Variants in CIMAP3 observed in about 807,000 individuals in gnomAD.
CIMAP3 encodes the protein ciliary microtubule associated protein 3.
the CIMAP3 span, among the ~76,000 whole-genome samples, chr1:111,341,297 A>G: frequency 6.6e-6 from 1 of 151,928 alleles, no homozygotes; most frequent in Admixed American, 6.6e-5. Context: ...AGCATGGCAC[A>G]TGTATACATA....
the CIMAP3 span, chr1:111,348,692 G>A: frequency 1.3e-6 from 2 of 1,517,156 alleles, no homozygotes; most frequent in South Asian, 1.3e-5. Context: ...AAAGCAATAG[G>A]AGGAAAAGAA....
At chr1:111,346,860 C>T in the CIMAP3 span, 1 of 1,602,912 alleles carries the variant, frequency 6.2e-7, no homozygotes, top group Non-Finnish European at 8.5e-7. Flanking sequence ...AACGCGCTCA[C>T]GTAGACCCAG....
chr1:111,331,957 C>CAGCT, the CIMAP3 span, among the ~76,000 whole-genome samples: 2 of 152,146 alleles, frequency 1.3e-5, no homozygotes, highest in East Asian at 3.9e-4. Flanking sequence ...ATGTAGTGAC[C>CAGCT]AGCTATAAAC....
At chr1:111,347,635 T>TTTGG in the CIMAP3 span, 1 of 1,215,708 alleles carries the variant, frequency 8.2e-7, no homozygotes. Context: ...TTTTTTTTTT[T>TTTGG]TTGGTGTTTT....
At chr1:111,346,902 T>C in the CIMAP3 span, 2 of 1,613,326 alleles carry the variant, frequency 1.2e-6, no homozygotes, top group African/African-American at 1.3e-5. Context: ...CTCTCCTCTT[T>C]ATTTTAGACG....
the CIMAP3 span, among the ~76,000 whole-genome samples, chr1:111,332,034 A>G: frequency 1.2e-4 from 19 of 152,232 alleles, no homozygotes; most frequent in African/African-American, 4.6e-4. Flanking sequence ...ATGATTATTT[A>G]GTTTTGTCAG....
At chr1:111,327,795 A>G in the CIMAP3 span, among the ~76,000 whole-genome samples, 1,201 of 151,488 alleles carry the variant, frequency 7.9e-3, 16 homozygotes, top group African/African-American at 0.027. Flanking sequence ...ATTTTTTCCA[A>G]AAGCCAACTC....
the CIMAP3 span, chr1:111,346,625 A>G: frequency 1.2e-6 from 2 of 1,614,084 alleles, no homozygotes; most frequent in Non-Finnish European, 1.7e-6. Flanking sequence ...GCAACGCAGT[A>G]CACAAGTGCT....
At chr1:111,338,417 T>G in the CIMAP3 span, among the ~76,000 whole-genome samples, 3 of 151,778 alleles carry the variant, frequency 2.0e-5, no homozygotes, top group Admixed American at 1.3e-4. Flanking sequence ...GAGCTGGTTT[T>G]TTGAAAGGAT....
chr1:111,329,529 A>ATG, the CIMAP3 span, among the ~76,000 whole-genome samples: 1 of 24,194 alleles, frequency 4.1e-5, no homozygotes, highest in Non-Finnish European at 8.8e-5. Flanking sequence ...ATATATATAT[A>ATG]TATATATATA....
At chr1:111,337,939 G>C in the CIMAP3 span, among the ~76,000 whole-genome samples, 2 of 149,606 alleles carry the variant, frequency 1.3e-5, no homozygotes, top group African/African-American at 5.0e-5. Context: ...TGACCACATA[G>C]TTGGAAGTAA....
chr1:111,346,911 C>A, the CIMAP3 span: 1 of 1,613,532 alleles, frequency 6.2e-7, no homozygotes, highest in Non-Finnish European at 8.5e-7. Context: ...TTATTTTAGA[C>A]GCTGCGGATA....
chr1:111,335,286 G>A, the CIMAP3 span, among the ~76,000 whole-genome samples: 2 of 152,172 alleles, frequency 1.3e-5, no homozygotes, highest in African/African-American at 4.8e-5. Context: ...GAAGACGGGT[G>A]ATTTCTGCAT....
the CIMAP3 span, among the ~76,000 whole-genome samples, chr1:111,345,192 C>A: frequency 6.6e-6 from 1 of 152,136 alleles, no homozygotes; most frequent in East Asian, 1.9e-4. Context: ...GATTGCATTT[C>A]TTTACATTTT....
At chr1:111,348,751 G>T in the CIMAP3 span, 35 of 1,150,770 alleles carry the variant, frequency 3.0e-5, no homozygotes, top group Non-Finnish European at 4.0e-5. Flanking sequence ...CCAAACCATC[G>T]CAGTTAAATA....
chr1:111,334,896 G>A, the CIMAP3 span, among the ~76,000 whole-genome samples: 1 of 152,074 alleles, frequency 6.6e-6, no homozygotes, highest in Non-Finnish European at 1.5e-5. Context: ...GGAAGGCTGA[G>A]GTTGGCAGAT....
At chr1:111,341,298 T>G in the CIMAP3 span, among the ~76,000 whole-genome samples, 4 of 151,888 alleles carry the variant, frequency 2.6e-5, no homozygotes, top group African/African-American at 9.7e-5. Context: ...GCATGGCACA[T>G]GTATACATAT....
At chr1:111,335,423 G>A in the CIMAP3 span, among the ~76,000 whole-genome samples, 1 of 152,138 alleles carries the variant, frequency 6.6e-6, no homozygotes, top group African/African-American at 2.4e-5. Flanking sequence ...AAGTGCAAGG[G>A]GTCAGGGAGT....
the CIMAP3 span, among the ~76,000 whole-genome samples, chr1:111,332,299 AC>A: frequency 6.6e-6 from 1 of 152,082 alleles, no homozygotes; most frequent in African/African-American, 2.4e-5. Flanking sequence ...TCTGTCTGGG[AC>A]CCAGCTCTAT....
Sources: gnomAD v4.1 joint callset for allele counts (sites outside exome capture counted in the v4.1 genomes callset) on GRCh38, gnomAD v4.1.1 for gene constraint, MANE v1.5 for transcripts, NCBI Gene and HGNC (gene_info 2026-07-23, HGNC 2026-07-21) for gene names.